Variants in CTTNBP2 observed in about 807,000 individuals in gnomAD.
CTTNBP2 encodes cortactin binding protein 2.
CTTNBP2 carries 108 observed loss-of-function variants against 156.9 expected under a neutral mutation model. The observed-to-expected ratio is 0.69, with a 90% CI of 0.59 to 0.81. CTTNBP2 has a LOEUF of 0.81. Ranked by LOEUF, CTTNBP2 falls within the 30% of genes least tolerant of loss-of-function variation. CTTNBP2 has a pLI of 0.00. For synonymous variants in CTTNBP2, 767 were observed against 751.8 expected (o/e 1.02, Z -0.33); for missense variants, 1,924 against 2,035.4 (o/e 0.95, Z 1.05).
At chr7:117,722,255 TG>T (rs1172848945) in intron 19 of CTTNBP2, among the ~76,000 whole-genome samples, 3 of 128,958 alleles carry the variant, frequency 2.3e-5, no homozygotes, top group African/African-American at 1.1e-4. Context: ...ATTCCTGTGT[TG>T]GTTTTTTTTT....
chr7:117,714,046 T>G (rs1436038890), intron 22 of CTTNBP2: 1 of 152,220 alleles, frequency 6.6e-6, no homozygotes, highest in African/African-American at 2.4e-5. Flanking sequence ...CGAGGAAGCC[T>G]GGAAAAAGGC....
chr7:117,810,206 C>T (rs1405655686), intron 3 of CTTNBP2, among the ~76,000 whole-genome samples: 1 of 152,156 alleles, frequency 6.6e-6, no homozygotes, highest in Non-Finnish European at 1.5e-5. Flanking sequence ...TATCACACCC[C>T]AGAGGTGAGT....
intron 2 of CTTNBP2, among the ~76,000 whole-genome samples, chr7:117,819,849 A>G (rs955907974): frequency 1.3e-5 from 2 of 152,192 alleles, no homozygotes; most frequent in Non-Finnish European, 2.9e-5. Context: ...TACATAATGC[A>G]TATTGTGAAT....
At position 117,735,300 on chromosome 7, in the gene CTTNBP2, G is replaced by A; in HGVS notation, c.3657C>T (p.Arg1219=). 1 of 1,614,048 alleles carries A rather than the reference G, an allele frequency of 6.2e-7. No individual in the cohort carries two copies. The highest frequency in any genetic ancestry group is 8.5e-7 in the Non-Finnish European group (1 of 1,179,996). Reference sequence around the variant, plus strand: ...GGAAAGTGCAGGGGCTTTCAGTGCTGCGATTTTCAAGAGGTGCCAAAAAGT... The same window carrying A: ...GGAAAGTGCAGGGGCTTTCAGTGCTACGATTTTCAAGAGGTGCCAAAAAGT... ...LRDFLAPLEN[R]STESPCTFQK... The change falls in exon 15 of 23, where the codon CGC becomes CGT. Residue 1219 remains arginine, a synonymous_variant. Coordinates refer to ENST00000160373, the MANE Select transcript of CTTNBP2 (RefSeq NM_033427.3).
At chr7:117,842,423 G>C (rs372191039) in intron 2 of CTTNBP2, among the ~76,000 whole-genome samples, 4 of 152,094 alleles carry the variant, frequency 2.6e-5, no homozygotes, top group African/African-American at 9.6e-5. Flanking sequence ...GGCCGGTCTT[G>C]AACTGCTGAC....
intron 8 of CTTNBP2, among the ~76,000 whole-genome samples, chr7:117,774,247 C>T (rs1334639183): frequency 5.3e-5 from 8 of 152,106 alleles, no homozygotes; most frequent in Admixed American, 2.6e-4. Flanking sequence ...CAGGGGCTAA[C>T]GTGGAAAAAG....
At chr7:117,741,421 G>A (rs1292636385) in intron 14 of CTTNBP2, among the ~76,000 whole-genome samples, 1 of 152,180 alleles carries the variant, frequency 6.6e-6, no homozygotes, top group Non-Finnish European at 1.5e-5. Flanking sequence ...AAGTTACTAA[G>A]CTACATACAG....
intron 2 of CTTNBP2, among the ~76,000 whole-genome samples, chr7:117,855,834 T>C (rs1341639995): frequency 6.6e-6 from 1 of 152,168 alleles, no homozygotes; most frequent in Non-Finnish European, 1.5e-5. Context: ...TACAGAACAA[T>C]TAATTTTAAA....
chr7:117,773,580 A>C (rs569497325), intron 8 of CTTNBP2, among the ~76,000 whole-genome samples: 39 of 151,140 alleles, frequency 2.6e-4, no homozygotes, highest in Non-Finnish European at 4.1e-4. Flanking sequence ...GACTCCTGAA[A>C]GACTGGATAA....
At chr7:117,749,495 CT>C (rs1459795112) in intron 12 of CTTNBP2, among the ~76,000 whole-genome samples, 1 of 152,200 alleles carries the variant, frequency 6.6e-6, no homozygotes, top group Non-Finnish European at 1.5e-5. Flanking sequence ...TCCATCCCTG[CT>C]GAGTGCTTAA....
At chr7:117,796,813 TTAGA>T (rs1799347971) in intron 3 of CTTNBP2, among the ~76,000 whole-genome samples, 2 of 152,188 alleles carry the variant, frequency 1.3e-5, no homozygotes, top group South Asian at 2.1e-4. Flanking sequence ...TTTTTATAAG[TTAGA>T]TAGGGGTTAT....
At chr7:117,814,817 A>T (rs558130810) in intron 2 of CTTNBP2, among the ~76,000 whole-genome samples, 9 of 152,342 alleles carry the variant, frequency 5.9e-5, no homozygotes, top group African/African-American at 1.9e-4. Flanking sequence ...CTTTAAGGGT[A>T]AAAACAGTGG....
intron 2 of CTTNBP2, among the ~76,000 whole-genome samples, chr7:117,846,176 C>T (rs955127332): frequency 1.3e-5 from 2 of 152,048 alleles, no homozygotes; most frequent in Non-Finnish European, 2.9e-5. Flanking sequence ...AATGCCATCC[C>T]TACTCATAGC....
chr7:117,739,865 T>A (rs1363698927), intron 14 of CTTNBP2, among the ~76,000 whole-genome samples: 2 of 152,184 alleles, frequency 1.3e-5, no homozygotes, highest in African/African-American at 4.8e-5. Flanking sequence ...TGTCATAGTC[T>A]CCTATTGTAA....
chr7:117,843,983 G>T (rs1028585295), intron 2 of CTTNBP2, among the ~76,000 whole-genome samples: 1 of 152,152 alleles, frequency 6.6e-6, no homozygotes, highest in Non-Finnish European at 1.5e-5. Context: ...AACAGCAAGG[G>T]TCATCATAAG....
intron 3 of CTTNBP2, among the ~76,000 whole-genome samples, chr7:117,806,724 A>T (rs1233992979): frequency 3.5e-5 from 5 of 142,942 alleles, no homozygotes; most frequent in African/African-American, 1.0e-4. Flanking sequence ...GGTTTGGCTC[A>T]TTTCTTTCTT....
chr7:117,721,625 GC>G (rs1794796096), intron 19 of CTTNBP2, among the ~76,000 whole-genome samples: 1 of 152,118 alleles, frequency 6.6e-6, no homozygotes, highest in African/African-American at 2.4e-5. Flanking sequence ...ACTTTTAACA[GC>G]TTTTGCATTA....
intron 4 of CTTNBP2, among the ~76,000 whole-genome samples, chr7:117,785,308 G>C (rs1044365717): frequency 6.6e-6 from 1 of 152,158 alleles, no homozygotes; most frequent in South Asian, 2.1e-4. Flanking sequence ...CATATAGCAT[G>C]AAAAATTTTC....
At chr7:117,853,892 C>T (rs986459939) in intron 2 of CTTNBP2, among the ~76,000 whole-genome samples, 1 of 152,192 alleles carries the variant, frequency 6.6e-6, no homozygotes, top group African/African-American at 2.4e-5. Context: ...TTCATGACCT[C>T]ATCACCTGCA....
Sources: allele counts gnomAD v4.1 joint callset (sites outside exome capture counted in the v4.1 genomes callset), GRCh38; gene constraint gnomAD v4.1.1; transcripts MANE v1.5; gene names NCBI Gene and HGNC (gene_info 2026-07-23, HGNC 2026-07-21).